Variants in MYT1L observed in about 807,000 individuals in gnomAD.
The protein encoded by MYT1L is myelin transcription factor 1-like protein.
In MYT1L, 12 loss-of-function variants were observed where a neutral mutation model predicts 126.7. That is an observed-to-expected ratio of 0.09 (90% CI 0.06 to 0.15). MYT1L has a LOEUF of 0.15. MYT1L is among the 10% of genes least tolerant of loss of function. MYT1L has a pLI of 1.00. For missense variants in MYT1L, 979 were observed against 1,585.2 expected, an observed-to-expected ratio of 0.62 and a Z score of 6.49; for synonymous variants, 541 against 604.2, an observed-to-expected ratio of 0.90 and a Z score of 1.53.
chr2:2,102,122 T>G (rs551344487), intron 3 of MYT1L, among the ~76,000 whole-genome samples: 2 of 152,180 alleles, frequency 1.3e-5, no homozygotes, highest in African/African-American at 4.8e-5. Flanking sequence ...CTTATACCAC[T>G]GGGGGGAAGC....
chr2:1,907,982 T>C (rs1171162236), intron 13 of MYT1L, among the ~76,000 whole-genome samples: 1 of 152,228 alleles, frequency 6.6e-6, no homozygotes, highest in Non-Finnish European at 1.5e-5. Flanking sequence ...GGTTGGTCAG[T>C]GTGCATTGCT....
chr2:2,129,675 G>C (rs1208378558), intron 3 of MYT1L, among the ~76,000 whole-genome samples: 1 of 152,276 alleles, frequency 6.6e-6, no homozygotes, highest in East Asian at 1.9e-4. Flanking sequence ...GGGAGACTGA[G>C]GTGGGCGGAT....
chr2:1,803,699 G>A (rs1455958073), intron 22 of MYT1L, among the ~76,000 whole-genome samples: 3 of 152,212 alleles, frequency 2.0e-5, no homozygotes, highest in African/African-American at 4.8e-5. Context: ...ACAGCCCTTT[G>A]TGGGAGCCTG....
intron 3 of MYT1L, among the ~76,000 whole-genome samples, chr2:2,135,881 C>T (rs868426072): frequency 3.9e-5 from 6 of 152,156 alleles, no homozygotes; most frequent in African/African-American, 1.2e-4. Context: ...GGTCCTCTCT[C>T]GGGTCTCTTA....
chr2:1,930,496 C>T (rs13015061), intron 9 of MYT1L, among the ~76,000 whole-genome samples: 4,555 of 152,310 alleles, frequency 0.03, 94 homozygotes, highest in Non-Finnish European at 0.046. Flanking sequence ...CCTGCAATCA[C>T]AACGCTTCAA....
intron 1 of MYT1L, among the ~76,000 whole-genome samples, chr2:2,310,088 G>A (rs1375995548): frequency 7.1e-6 from 1 of 140,522 alleles, no homozygotes; most frequent in Non-Finnish European, 1.6e-5. Flanking sequence ...TCTCTACCTA[G>A]ACTCCACTTA....
chr2:2,042,796 T>G (rs781205038), intron 4 of MYT1L, among the ~76,000 whole-genome samples: 1 of 152,220 alleles, frequency 6.6e-6, no homozygotes, highest in African/African-American at 2.4e-5. Flanking sequence ...ACGCCCGGCA[T>G]GCATCCAGCT....
intron 2 of MYT1L, among the ~76,000 whole-genome samples, chr2:2,263,381 C>T (rs954774328): frequency 1.3e-5 from 2 of 151,964 alleles, no homozygotes; most frequent in African/African-American, 4.8e-5. Context: ...ATGCAAAACC[C>T]GGTCGCAGAA....
chr2:1,832,705 T>C (rs981525551), intron 21 of MYT1L, among the ~76,000 whole-genome samples: 2 of 152,166 alleles, frequency 1.3e-5, no homozygotes, highest in Non-Finnish European at 2.9e-5. Context: ...AAGAGTCACT[T>C]AAAGCCCTCA....
chr2:1,828,250 G>T (rs1177269659), intron 21 of MYT1L: 1 of 152,006 alleles, frequency 6.6e-6, no homozygotes, highest in African/African-American at 2.4e-5. Flanking sequence ...CCAGCTTCCT[G>T]GTACTAGGTG....
intron 3 of MYT1L, among the ~76,000 whole-genome samples, chr2:2,163,541 C>T (rs11127378): frequency 0.11 from 16,760 of 150,550 alleles, 934 homozygotes; most frequent in African/African-American, 0.14. Context: ...CTGGCTAACA[C>T]GGTGAAACCC....
intron 9 of MYT1L, among the ~76,000 whole-genome samples, chr2:1,937,594 T>A (rs1448788384): frequency 7.1e-6 from 1 of 141,474 alleles, no homozygotes; most frequent in Non-Finnish European, 1.5e-5. Flanking sequence ...AGATCGCAAG[T>A]CGAGAAGGCC....
intron 2 of MYT1L, among the ~76,000 whole-genome samples, chr2:2,198,594 C>T (rs756827928): frequency 3.1e-4 from 47 of 151,270 alleles, no homozygotes; most frequent in Non-Finnish European, 4.3e-4. Context: ...CGGGGTGGCT[C>T]ATGCCTGTAA....
At chr2:2,073,247 T>TA (rs2074824543) in intron 3 of MYT1L, among the ~76,000 whole-genome samples, 1 of 151,654 alleles carries the variant, frequency 6.6e-6, no homozygotes, top group Admixed American at 6.6e-5. Flanking sequence ...CTCTCATACT[T>TA]ACGTTATATT....
At chr2:1,858,403 G>T (rs1156398796) in intron 18 of MYT1L, among the ~76,000 whole-genome samples, 1 of 151,932 alleles carries the variant, frequency 6.6e-6, no homozygotes, top group Non-Finnish European at 1.5e-5. Context: ...ACCAATGAAA[G>T]ATCAAAAATA....
chr2:2,122,886 A>AGG (rs1342735697), intron 3 of MYT1L, among the ~76,000 whole-genome samples: 2 of 149,498 alleles, frequency 1.3e-5, no homozygotes, highest in East Asian at 4.0e-4. Flanking sequence ...AGAGAGAGAG[A>AGG]GAGAGACCAA....
chr2:2,231,962 T>C (rs1025446250), intron 2 of MYT1L, among the ~76,000 whole-genome samples: 2 of 152,220 alleles, frequency 1.3e-5, no homozygotes, highest in South Asian at 2.1e-4. Flanking sequence ...CTCAGAGAGA[T>C]GCACAAGTTC....
intron 5 of MYT1L, among the ~76,000 whole-genome samples, chr2:1,995,087 T>C (rs1027722759): frequency 1.3e-5 from 2 of 151,992 alleles, no homozygotes; most frequent in Non-Finnish European, 2.9e-5. Flanking sequence ...ATGGGAAACA[T>C]GAAGTTTAGA....
chr2:2,186,528 A>G (rs541077493), intron 2 of MYT1L, among the ~76,000 whole-genome samples: 3 of 152,324 alleles, frequency 2.0e-5, no homozygotes, highest in Admixed American at 6.5e-5. Context: ...TGCCCCCATC[A>G]CTACCATTGG....
Sources: allele counts gnomAD v4.1 joint callset (sites outside exome capture counted in the v4.1 genomes callset), GRCh38; gene constraint gnomAD v4.1.1; transcripts MANE v1.5; gene names NCBI Gene and HGNC (gene_info 2026-07-23, HGNC 2026-07-21).